Variants in ANK3 observed in about 807,000 individuals in gnomAD.
ANK3 encodes ankyrin-3.
ANK3 carries 57 observed loss-of-function variants against 370.9 expected under a neutral mutation model. The ratio of observed to expected loss-of-function variants is 0.15; its 90% CI spans 0.12 to 0.19. The LOEUF is 0.19. Ranked by LOEUF, ANK3 falls within the 10% of genes least tolerant of loss-of-function variation. ANK3 has a pLI of 1.00. For missense variants in ANK3, 4,439 were observed against 5,302.1 expected (o/e 0.84, Z 5.06); for synonymous variants, 1,929 against 1,946.3 (o/e 0.99, Z 0.23).
chr10:60,184,037 A>G (rs2096266347), intron 17 of ANK3, among the ~76,000 whole-genome samples: 1 of 152,196 alleles, frequency 6.6e-6, no homozygotes, highest in Non-Finnish European at 1.5e-5. Context: ...CTAGCACCTC[A>G]ACAATAACTT....
At chr10:60,318,726 C>T (rs1204074728) in intron 1 of ANK3, among the ~76,000 whole-genome samples, 2 of 152,146 alleles carry the variant, frequency 1.3e-5, no homozygotes, top group Non-Finnish European at 2.9e-5. Flanking sequence ...GTCACTTCCT[C>T]GCCACCCTGC....
chr10:60,126,730 A>G (rs541667230), intron 25 of ANK3, among the ~76,000 whole-genome samples: 1 of 152,152 alleles, frequency 6.6e-6, no homozygotes, highest in South Asian at 2.1e-4. Flanking sequence ...CCAACTTTAT[A>G]GCATTCTCTT....
At chr10:60,638,677 C>A (rs928229168) in intron 1 of ANK3, among the ~76,000 whole-genome samples, 3 of 151,692 alleles carry the variant, frequency 2.0e-5, no homozygotes, top group African/African-American at 4.8e-5. Context: ...AAAGAGAGAA[C>A]TAAAAAAAAT....
At chr10:60,498,659 G>T (rs1470082284) in intron 2 of ANK3, among the ~76,000 whole-genome samples, 1 of 152,152 alleles carries the variant, frequency 6.6e-6, no homozygotes, top group East Asian at 1.9e-4. Context: ...CCAAAGTGCT[G>T]GGATTACTGC....
At chr10:60,440,732 A>C (rs528573060) in intron 2 of ANK3, among the ~76,000 whole-genome samples, 2 of 152,162 alleles carry the variant, frequency 1.3e-5, no homozygotes, top group Non-Finnish European at 2.9e-5. Context: ...CATCTTTGTC[A>C]TGTTTCTTGA....
intron 8 of ANK3, among the ~76,000 whole-genome samples, chr10:60,225,152 A>G (rs1032084682): frequency 1.3e-5 from 2 of 151,910 alleles, no homozygotes; most frequent in Admixed American, 6.6e-5. Context: ...GCCTCAAGCA[A>G]TCCTCTCACG....
At chr10:60,722,571 T>A (rs1263275431) in intron 1 of ANK3, among the ~76,000 whole-genome samples, 1 of 152,222 alleles carries the variant, frequency 6.6e-6, no homozygotes, top group East Asian at 1.9e-4. Context: ...GTATTTGCTA[T>A]TATTTATCAT....
chr10:60,638,311 C>T (rs1189323098), intron 1 of ANK3, among the ~76,000 whole-genome samples: 1 of 152,086 alleles, frequency 6.6e-6, no homozygotes, highest in African/African-American at 2.4e-5. Flanking sequence ...AAGGTCATGC[C>T]TTAGTAGTAG....
intron 1 of ANK3, among the ~76,000 whole-genome samples, chr10:60,303,080 T>C (rs909726616): frequency 6.6e-6 from 1 of 152,160 alleles, no homozygotes; most frequent in Non-Finnish European, 1.5e-5. Flanking sequence ...CAGGCTTAAA[T>C]GTAAGACCCC....
chr10:60,439,877 T>G (rs755286608), intron 2 of ANK3, among the ~76,000 whole-genome samples: 2 of 152,226 alleles, frequency 1.3e-5, no homozygotes, highest in African/African-American at 2.4e-5. Flanking sequence ...TAGCTAGATA[T>G]TCCTCCTTCC....
At position 60,070,307 on chromosome 10, in the gene ANK3, T is replaced by A; in HGVS notation, c.10574A>T (p.Asp3525Val). ...TTTAAAAGGAGTGGCAAATTCTTCATCTACTTTGTAACTGAAGTAAGTATC... is the reference window on the plus strand; with the variant it reads ...TTTAAAAGGAGTGGCAAATTCTTCAACTACTTTGTAACTGAAGTAAGTATC... ...FPDTYFSYKVDEEFATPFKTV... is the reference protein window; with the variant it reads ...FPDTYFSYKVVEEFATPFKTV... Residue 3525 changes from aspartate (D) to valine (V), a missense_variant, in exon 37 of 44, where the codon GAT (aspartate) becomes GTT (valine). By Grantham distance (152) the Asp-to-Val change is radical. Transcript: ENST00000280772. The surrounding 1 kb of genome is among the most constrained non-coding windows in gnomAD (Gnocchi z 5.7). The A allele has an allele frequency of 1.2e-6, 2 of 1,614,152 alleles. No individual in the cohort carries two copies. Among genetic ancestry groups the A allele is most frequent in the Non-Finnish European group, 1.7e-6 (2 of 1,179,992 alleles).
chr10:60,213,181 T>C (rs1347591168), intron 9 of ANK3, among the ~76,000 whole-genome samples: 1 of 152,096 alleles, frequency 6.6e-6, no homozygotes, highest in Admixed American at 6.6e-5. Context: ...CAGTAAGCAT[T>C]CCTGAAACAC....
At chr10:60,299,867 T>C (rs562137852) in intron 1 of ANK3, among the ~76,000 whole-genome samples, 1 of 152,326 alleles carries the variant, frequency 6.6e-6, no homozygotes, top group South Asian at 2.1e-4. Flanking sequence ...AAAATAAATT[T>C]TAATTCTATG....
intron 1 of ANK3, among the ~76,000 whole-genome samples, chr10:60,711,610 T>C (rs755573566): frequency 5.3e-5 from 8 of 151,888 alleles, no homozygotes; most frequent in Non-Finnish European, 1.0e-4. Flanking sequence ...AATAAATACA[T>C]AATGGCAATG....
chr10:60,350,441 T>TGTTGG (rs2056616366), intron 1 of ANK3, among the ~76,000 whole-genome samples: 1 of 151,942 alleles, frequency 6.6e-6, no homozygotes, highest in South Asian at 2.1e-4. Context: ...CTAACTCTTG[T>TGTTGG]GATGTTACAA....
intron 23 of ANK3, among the ~76,000 whole-genome samples, chr10:60,165,347 C>T (rs113296862): frequency 3.9e-5 from 6 of 151,946 alleles, no homozygotes; most frequent in South Asian, 2.1e-4. Context: ...GTCCTAAAGA[C>T]GATAACAAAT....
intron 23 of ANK3, among the ~76,000 whole-genome samples, chr10:60,163,044 A>G (rs1004155261): frequency 1.3e-5 from 2 of 152,126 alleles, no homozygotes; most frequent in Admixed American, 6.6e-5. Context: ...GGAGACGCCA[A>G]ACTCAATCAC....
rs776353978 is a variant in ANK3 at position 60,073,197 on chromosome 10, C to T, written c.7684G>A (p.Asp2562Asn). ...KHAMWMRFTE[D>N]RLDRGREKLI... is the part of the protein sequence containing the mutation. Reference sequence around the variant, plus strand: ...TTCTCTCTACCTCTGTCTAATCTGTCCTCAGTAAAGCGCATCCACATGGCA... The same window carrying T: ...TTCTCTCTACCTCTGTCTAATCTGTTCTCAGTAAAGCGCATCCACATGGCA... Residue 2562 changes from aspartate to asparagine, a missense_variant, in exon 37 of 44, where the codon GAC becomes AAC. Coordinates refer to ENST00000280772, the MANE Select transcript of ANK3 (RefSeq NM_020987.5). 1 of 1,614,158 alleles carries T rather than the reference C, an allele frequency of 6.2e-7. No individual in the cohort carries two copies. The highest frequency in any genetic ancestry group is 1.7e-5 in the Admixed American group (1 of 60,020).
At chr10:60,592,816 C>T (rs1280680980) in intron 2 of ANK3, among the ~76,000 whole-genome samples, 2 of 152,126 alleles carry the variant, frequency 1.3e-5, no homozygotes, top group Non-Finnish European at 2.9e-5. Flanking sequence ...GACTAGAGTT[C>T]GAGAGTATTC....
Sources: gnomAD v4.1 joint callset for allele counts (sites outside exome capture counted in the v4.1 genomes callset) on GRCh38, gnomAD v4.1.1 for gene constraint, Gnocchi (gnomAD v3.1) non-coding constraint, MANE v1.5 for transcripts, NCBI Gene and HGNC (gene_info 2026-07-23, HGNC 2026-07-21) for gene names.